The following SHROOM3 variants were observed in gnomAD, a reference collection of about 807,000 sequenced individuals.
SHROOM3 encodes shroom family member 3, also known as protein Shroom3.
SHROOM3 carries 47 observed loss-of-function variants against 138.6 expected under a neutral mutation model. That is an observed-to-expected ratio of 0.34 (90% CI 0.27 to 0.43). SHROOM3 has a LOEUF of 0.43. Among genes scored for constraint, SHROOM3 ranks in the 20% least tolerant of loss-of-function variants. The pLI is 1.00. For missense variants in SHROOM3, 2,491 were observed against 2,596.5 expected (o/e 0.96, Z 0.88); for synonymous variants, 1,062 against 1,063.3 (o/e 1.00, Z 0.02).
intron 2 of SHROOM3, among the ~76,000 whole-genome samples, chr4:76,583,863 A>G (rs1212858231): frequency 6.6e-6 from 1 of 152,226 alleles, no homozygotes; most frequent in African/African-American, 2.4e-5. Context: ...GTGGACCAAA[A>G]ATTATCAAAT....
intron 2 of SHROOM3, among the ~76,000 whole-genome samples, chr4:76,693,758 G>A (rs2110109456): frequency 6.6e-6 from 1 of 151,590 alleles, no homozygotes; most frequent in Non-Finnish European, 1.5e-5. Context: ...AAATACTACT[G>A]GGGTTTGGTT....
rs1254931579 is a variant in SHROOM3 at position 76,741,552 on chromosome 4, G to C, written c.3379G>C (p.Ala1127Pro). ...TGCCTACCTCCAGCCCGGCCCCGCG[G>C]CGCTCGAAGGCTCCGGCCTCGCCTC... The part of the protein sequence containing the change: ...QSAYLQPGPA[A>P]LEGSGLASAS... The change falls in exon 5 of 11, where the codon GCG becomes CCG. Residue 1127 changes from alanine (A) to proline (P), a missense_variant. This residue lies in a region of SHROOM3 where 1,733 missense variants were observed against 1,661.6 expected (regional missense o/e 1.04). Coordinates refer to ENST00000296043, the MANE Select transcript of SHROOM3 (RefSeq NM_020859.4). This position sits in a 1 kb window ranked among gnomAD's most constrained non-coding sequence, Gnocchi z 6.2. The C allele has an allele frequency of 6.5e-7, 1 of 1,546,564 alleles. No individual in the cohort carries two copies. The highest frequency in any genetic ancestry group is 1.8e-4 in the Middle Eastern group (1 of 5,408).
In SHROOM3 at chr4:76,585,605, A is replaced by T. The variant is rs144153775; in HGVS notation, c.323+29842A>T. 3.8e-4 allele frequency among the ~76,000 whole-genome samples: 58 copies of T among 152,346 alleles called. 2 individuals are homozygous for T. Among genetic ancestry groups the T allele is most frequent in the African/African-American group, 1.4e-3 (57 of 41,578 alleles). On this transcript the variant is annotated intron_variant, in intron 2 of 10. Coordinates refer to ENST00000296043, the MANE Select transcript of SHROOM3 (RefSeq NM_020859.4). ...AGTTTAGGAAACCTGTTATGATTTC[A>T]TCTACAAAGGCGGGCTGCATCGCAC...
chr4:76,651,635 C>T (rs1408936264), intron 2 of SHROOM3, among the ~76,000 whole-genome samples: 1 of 151,784 alleles, frequency 6.6e-6, no homozygotes, highest in Non-Finnish European at 1.5e-5. Flanking sequence ...GGGAGAGTGG[C>T]TGGCAAGCAG....
chr4:76,549,429 A>C (rs9995957), intron 1 of SHROOM3, among the ~76,000 whole-genome samples: 84,060 of 150,708 alleles, frequency 0.56, 23,472 homozygotes, highest in Non-Finnish European at 0.58. Context: ...AGTGCAGTGG[A>C]GCGATCTTGG....
chr4:76,505,608 A>G lies in SHROOM3; in HGVS notation c.169-50001A>G, dbSNP rs925937445. On this transcript the variant is annotated intron_variant, in intron 1 of 10. Transcript: ENST00000296043. ...ATAAAAATAATACAAATTTTAAAAT[A>G]ATATAGTATAACAACTATTTACAAG... 4.6e-5 allele frequency among the ~76,000 whole-genome samples: 7 copies of G among 152,068 alleles called. No individual in the cohort carries two copies. The South Asian group carries it at 1.5e-3, about 32-fold the overall frequency.
chr4:76,655,141 C>A (rs1474332620), intron 2 of SHROOM3, among the ~76,000 whole-genome samples: 1 of 152,106 alleles, frequency 6.6e-6, no homozygotes, highest in Non-Finnish European at 1.5e-5. Flanking sequence ...TCATGTATTT[C>A]AAATTAGAAT....
intron 2 of SHROOM3, among the ~76,000 whole-genome samples, chr4:76,699,992 G>A (rs780988711): frequency 6.6e-6 from 1 of 152,154 alleles, no homozygotes; most frequent in African/African-American, 2.4e-5. Context: ...ATTCCCATTC[G>A]AATGAGACAG....
chr4:76,739,134 T>A lies in SHROOM3; in HGVS notation c.961T>A (p.Tyr321Asn). The stretch of plus-strand genomic sequence containing the variant: ...CACCCGGAGGGGAGTCTCAGCAGAG[T>A]ATGAGGTGAACTCTTCAGCCCTGCT... The part of the protein sequence containing the change: ...YDTRRGVSAE[Y>N]EVNSSALLLQ... The change falls in exon 5 of 11, where the codon TAT (tyrosine) becomes AAT (asparagine). Residue 321 changes from tyrosine (Y) to asparagine (N), a missense_variant. Physicochemically the swap from Tyr to Asn is moderately radical, Grantham distance 143 (BLOSUM62 -2). Around this residue, in one of 4 missense-constraint regions of SHROOM3, gnomAD observed 1,733 missense variants for 1,661.6 expected, o/e 1.04. Coordinates refer to ENST00000296043, the MANE Select transcript of SHROOM3 (RefSeq NM_020859.4). 6.2e-7 allele frequency: 1 copy of A among 1,613,994 alleles called. No individual in the cohort carries two copies. Among genetic ancestry groups the A allele is most frequent in the Non-Finnish European group, 8.5e-7 (1 of 1,179,986 alleles).
At chr4:76,476,336 T>C (rs952988984) in intron 1 of SHROOM3, among the ~76,000 whole-genome samples, 30 of 152,228 alleles carry the variant, frequency 2.0e-4, no homozygotes, top group Admixed American at 1.2e-3. Context: ...AAGCCATTTG[T>C]GTTAATTATA....
chr4:76,650,541 A>G (rs1389205188), intron 2 of SHROOM3, among the ~76,000 whole-genome samples: 1 of 150,310 alleles, frequency 6.7e-6, no homozygotes, highest in African/African-American at 2.4e-5. Flanking sequence ...TTATTTATTT[A>G]TTTATTTATT....
At chr4:76,763,980 A>G (rs925820373) in intron 9 of SHROOM3, among the ~76,000 whole-genome samples, 9 of 152,234 alleles carry the variant, frequency 5.9e-5, no homozygotes, top group Non-Finnish European at 1.2e-4. Context: ...TTGAGGTAGA[A>G]TGTAGCCTTT....
intron 9 of SHROOM3, 127 bp from the exon 10 acceptor site, chr4:76,770,499 C>T (rs1722325540): frequency 1.6e-5 from 17 of 1,041,600 alleles, no homozygotes; most frequent in Non-Finnish European, 2.4e-5. Context: ...GGGGACACTC[C>T]ATATAGAGAA....
intron 3 of SHROOM3, among the ~76,000 whole-genome samples, chr4:76,723,591 C>T (rs934552709): frequency 3.9e-5 from 6 of 152,174 alleles, no homozygotes; most frequent in African/African-American, 1.4e-4. Flanking sequence ...TACTTGCTTA[C>T]TCCCTGTCTC....
At chr4:76,700,460 G>A (rs148787400) in intron 2 of SHROOM3, among the ~76,000 whole-genome samples, 2,961 of 152,296 alleles carry the variant, frequency 0.019, 46 homozygotes, top group Non-Finnish European at 0.031. Context: ...TGTCTACACC[G>A]ACTGTGTAAA....
At chr4:76,449,915 A>G (rs899786304) in intron 1 of SHROOM3, among the ~76,000 whole-genome samples, 2 of 152,226 alleles carry the variant, frequency 1.3e-5, no homozygotes, top group Admixed American at 1.3e-4. Context: ...CTCTATTAAA[A>G]AATAGAAGGT....
chr4:76,670,645 A>G (rs188478308), intron 2 of SHROOM3, among the ~76,000 whole-genome samples: 102 of 152,368 alleles, frequency 6.7e-4, no homozygotes, highest in African/African-American at 2.4e-3. Flanking sequence ...CAAAGGGCAT[A>G]ACTGTATAAA....
At chr4:76,527,182 G>T (rs1732709129) in intron 1 of SHROOM3, among the ~76,000 whole-genome samples, 2 of 152,162 alleles carry the variant, frequency 1.3e-5, no homozygotes, top group African/African-American at 4.8e-5. Context: ...AGGTTGGAGG[G>T]AAGATAAATA....
At chr4:76,492,318 C>T (rs1204717560) in intron 1 of SHROOM3, among the ~76,000 whole-genome samples, 1 of 152,164 alleles carries the variant, frequency 6.6e-6, no homozygotes, top group East Asian at 1.9e-4. Flanking sequence ...CTTTGTGGAG[C>T]TTTTGAATCA....
Sources: allele counts gnomAD v4.1 joint callset (sites outside exome capture counted in the v4.1 genomes callset), GRCh38; gene constraint gnomAD v4.1.1; regional missense constraint gnomAD v4.1.1; non-coding constraint Gnocchi (gnomAD v3.1); transcripts MANE v1.5; gene names NCBI Gene and HGNC (gene_info 2026-07-23, HGNC 2026-07-21).